ASH1L: variants seen among roughly 807,000 people sequenced by gnomAD.
The protein encoded by ASH1L is histone-lysine N-methyltransferase ASH1L.
A neutral mutation model predicts 269.0 loss-of-function variants in ASH1L; 23 were observed. The observed-to-expected ratio is 0.09, with a 90% CI of 0.06 to 0.12. The LOEUF (loss-of-function observed/expected upper bound fraction) is 0.12. Among genes scored for constraint, ASH1L ranks in the 10% least tolerant of loss-of-function variants. The pLI is 1.00. For synonymous variants in ASH1L, 1,187 were observed against 1,253.5 expected, an observed-to-expected ratio of 0.95 and a Z score of 1.12; for missense variants, 2,912 against 3,567.8, an observed-to-expected ratio of 0.82 and a Z score of 4.68.
intron 5 of ASH1L, among the ~76,000 whole-genome samples, chr1:155,424,048 A>G (rs1272718479): frequency 6.6e-6 from 1 of 152,094 alleles, no homozygotes; most frequent in African/African-American, 2.4e-5. Flanking sequence ...ATGGTGGGCA[A>G]CCACAGCTGC....
intron 3 of ASH1L, among the ~76,000 whole-genome samples, chr1:155,476,801 C>G (rs1054220173): frequency 1.3e-5 from 2 of 152,042 alleles, no homozygotes; most frequent in Non-Finnish European, 2.9e-5. Flanking sequence ...GATCCGCCCA[C>G]CTCGGCCTCC....
intron 1 of ASH1L, among the ~76,000 whole-genome samples, chr1:155,550,813 G>A (rs749508551): frequency 1.8e-4 from 27 of 151,972 alleles, no homozygotes; most frequent in Non-Finnish European, 3.7e-4. Context: ...GTATACTCTG[G>A]GCTTAATACA....
At chr1:155,437,990 A>G (rs1662233175) in intron 5 of ASH1L, among the ~76,000 whole-genome samples, 1 of 152,164 alleles carries the variant, frequency 6.6e-6, no homozygotes, top group Non-Finnish European at 1.5e-5. Flanking sequence ...CTGGGATTAC[A>G]GGAATGCGCT....
intron 10 of ASH1L, among the ~76,000 whole-genome samples, chr1:155,373,263 A>G (rs1355904210): frequency 6.6e-6 from 1 of 151,598 alleles, no homozygotes; most frequent in African/African-American, 2.4e-5. Flanking sequence ...AAGACAAAAG[A>G]AGTCACACAC....
chr1:155,487,511 AC>A (rs1270243852), intron 2 of ASH1L, among the ~76,000 whole-genome samples: 7 of 152,012 alleles, frequency 4.6e-5, no homozygotes, highest in African/African-American at 1.7e-4. Flanking sequence ...GACTGCAGGC[AC>A]AAGCCACCAT....
chr1:155,344,583 T>G, intron 21 of ASH1L: 1 of 215,688 alleles, frequency 4.6e-6, no homozygotes, highest in Non-Finnish European at 9.3e-6. Context: ...GGTATGCTAC[T>G]GGTATTTAAT....
intron 25 of ASH1L, 152 bp downstream of exon 25, chr1:155,341,784 T>C (rs1321849965): frequency 3.8e-6 from 3 of 783,416 alleles, no homozygotes; most frequent in Non-Finnish European, 6.3e-6. Context: ...CTTATGCTGT[T>C]CAAATGTCCC....
chr1:155,549,169 T>C (rs1231034113), intron 1 of ASH1L, among the ~76,000 whole-genome samples: 2 of 152,056 alleles, frequency 1.3e-5, no homozygotes, highest in South Asian at 4.1e-4. Flanking sequence ...AAAGCATGAC[T>C]CTCTCTCTAC....
rs142095735 is a variant in ASH1L, at chr1:155,395,475, T to G, written c.6087A>C (p.Pro2029=). ...TPGEHEYGLF[P]APIHVGKYLR... ...GGTACTTACCAACATGAATGGGCGCTGGAAATAATCCATATTCATGCTCTC... is the reference window on the plus strand; with the variant it reads ...GGTACTTACCAACATGAATGGGCGCGGGAAATAATCCATATTCATGCTCTC... Residue 2029 remains proline (P), a synonymous_variant, in exon 7 of 28, where the codon CCA becomes CCC. Coordinates refer to ENST00000392403, the MANE Select transcript of ASH1L (RefSeq NM_018489.3). 6.2e-7 allele frequency: 1 copy of G among 1,608,848 alleles called. No homozygotes were observed. Among genetic ancestry groups the G allele is most frequent in the African/African-American group, 1.3e-5 (1 of 74,432 alleles).
intron 14 of ASH1L, 34 bp from the exon 15 acceptor site, chr1:155,357,444 A>G: frequency 6.3e-7 from 1 of 1,598,616 alleles, no homozygotes; most frequent in Non-Finnish European, 8.6e-7. Context: ...AGAGATTTAA[A>G]AAAATATCAG....
intron 3 of ASH1L, among the ~76,000 whole-genome samples, chr1:155,467,849 T>TA (rs1313408920): frequency 1.3e-5 from 2 of 152,268 alleles, no homozygotes; most frequent in Non-Finnish European, 2.9e-5. Flanking sequence ...TCTGCTGTAT[T>TA]AAAAAAACTC....
At chr1:155,536,492 GTCTGTCAGCAAAA>G (rs1325696729) in intron 1 of ASH1L, among the ~76,000 whole-genome samples, 1 of 152,142 alleles carries the variant, frequency 6.6e-6, no homozygotes, top group African/African-American at 2.4e-5. Flanking sequence ...TACACACGCA[GTCTGTCAGCAAAA>G]TCTGTCAGCT....
chr1:155,556,901 C>T (rs1038229971), intron 1 of ASH1L, among the ~76,000 whole-genome samples: 8 of 152,006 alleles, frequency 5.3e-5, no homozygotes, highest in Non-Finnish European at 8.8e-5. Flanking sequence ...ATTAGCCAGG[C>T]GTGGTGGCAT....
intron 5 of ASH1L, among the ~76,000 whole-genome samples, chr1:155,428,989 C>T (rs140159296): frequency 7.2e-5 from 11 of 152,110 alleles, no homozygotes; most frequent in Non-Finnish European, 1.0e-4. Context: ...AGGGTCTCCC[C>T]GACCGAGCTG....
At chr1:155,360,837 G>A (rs923415507) in intron 12 of ASH1L, among the ~76,000 whole-genome samples, 1 of 152,126 alleles carries the variant, frequency 6.6e-6, no homozygotes, top group African/African-American at 2.4e-5. Context: ...GTTCTATGTT[G>A]TCAATTAGGC....
intron 2 of ASH1L, among the ~76,000 whole-genome samples, chr1:155,519,125 G>T (rs1012424562): frequency 6.6e-6 from 1 of 152,254 alleles, no homozygotes; most frequent in South Asian, 2.1e-4. Context: ...ATTCCATCAA[G>T]AGATGAATGG....
At chr1:155,514,222 C>T (rs1345193039) in intron 2 of ASH1L, among the ~76,000 whole-genome samples, 1 of 152,122 alleles carries the variant, frequency 6.6e-6, no homozygotes, top group Admixed American at 6.5e-5. Flanking sequence ...GGCATGGTCG[C>T]ACAAAAAGTG....
chr1:155,422,653 G>GT (rs111943951), intron 5 of ASH1L, among the ~76,000 whole-genome samples: 1,461 of 138,112 alleles, frequency 0.011, 5 homozygotes, highest in Non-Finnish European at 0.013. Flanking sequence ...TTTTCTTTCT[G>GT]TTTTTTTTTT....
intron 3 of ASH1L, among the ~76,000 whole-genome samples, chr1:155,472,475 T>G (rs1665176884): frequency 1.3e-5 from 2 of 152,186 alleles, no homozygotes; most frequent in Admixed American, 1.3e-4. Context: ...AGATGATACA[T>G]TCAACATCCT....
Sources: gnomAD v4.1 joint callset for allele counts (sites outside exome capture counted in the v4.1 genomes callset) on GRCh38, gnomAD v4.1.1 for gene constraint, MANE v1.5 for transcripts, NCBI Gene and HGNC (gene_info 2026-07-23, HGNC 2026-07-21) for gene names.